The following NRXN3 variants were observed in gnomAD, a reference collection of about 807,000 sequenced individuals.
NRXN3 encodes the protein neurexin 3, also known as neurexin III.
In NRXN3, 32 loss-of-function variants were observed where a neutral mutation model predicts 137.6. The observed-to-expected ratio is 0.23, with a 90% CI of 0.18 to 0.31. The LOEUF is 0.31. Ranked by LOEUF, NRXN3 falls within the 10% of genes least tolerant of loss-of-function variation. The pLI is 1.00. For missense variants in NRXN3, 1,574 were observed against 2,062.5 expected, an observed-to-expected ratio of 0.76 and a Z score of 4.59; for synonymous variants, 798 against 784.5, an observed-to-expected ratio of 1.02 and a Z score of -0.29.
At chr14:78,456,042 G>A (rs944959567) in intron 4 of NRXN3, among the ~76,000 whole-genome samples, 6 of 152,092 alleles carry the variant, frequency 3.9e-5, no homozygotes, top group Non-Finnish European at 7.4e-5. Context: ...CACACAGCAC[G>A]CCTCAGGGCC....
chr14:79,219,356 C>G (rs2069119212), intron 15 of NRXN3, among the ~76,000 whole-genome samples: 2 of 152,098 alleles, frequency 1.3e-5, no homozygotes, highest in South Asian at 4.1e-4. Flanking sequence ...GTCTCAACTC[C>G]TGGCCTCAAG....
chr14:79,601,125 C>A (rs532603777), intron 16 of NRXN3, among the ~76,000 whole-genome samples: 3 of 143,438 alleles, frequency 2.1e-5, no homozygotes, highest in African/African-American at 5.2e-5. Context: ...CTCACTGCAA[C>A]CTCCGACTCC....
chr14:79,380,145 T>A (rs866464798), intron 15 of NRXN3, among the ~76,000 whole-genome samples: 1,042 of 64,124 alleles, frequency 0.016, 14 homozygotes, highest in African/African-American at 0.047. Flanking sequence ...TAGATATACT[T>A]CTTCTTTTTT....
At chr14:79,638,303 A>G (rs2098416081) in intron 16 of NRXN3, among the ~76,000 whole-genome samples, 1 of 152,156 alleles carries the variant, frequency 6.6e-6, no homozygotes. Context: ...TAAAATTTGA[A>G]CTAGGATTTA....
chr14:78,263,996 A>G lies in NRXN3; in HGVS notation c.710-14649A>G, dbSNP rs147447226. Among the ~76,000 whole-genome samples, 88 of 151,118 alleles carry G rather than the reference A, an allele frequency of 5.8e-4. No homozygotes were observed. In the East Asian group the frequency reaches 0.013, roughly 23 times the overall value. On this transcript the variant is annotated intron_variant, in intron 2 of 20. Coordinates refer to ENST00000335750, the MANE Select transcript of NRXN3 (RefSeq NM_001330195.2). ...TGAAAAACCAAATCTTCTTCCTACA[A>G]CTAACGTCAGTCCCTTTCCTAATAG... is the stretch of plus-strand genomic sequence containing the variant.
chr14:78,673,430 C>T (rs2097958545), intron 6 of NRXN3, among the ~76,000 whole-genome samples: 1 of 152,210 alleles, frequency 6.6e-6, no homozygotes, highest in African/African-American at 2.4e-5. Context: ...CATGAGGTGG[C>T]ACTGGCACTT....
intron 1 of NRXN3, among the ~76,000 whole-genome samples, chr14:78,206,775 C>G (rs1261981695): frequency 6.6e-6 from 1 of 152,132 alleles, no homozygotes; most frequent in Non-Finnish European, 1.5e-5. Flanking sequence ...AACTGTGGCT[C>G]AAAGTGGGTG....
At chr14:79,228,043 G>A (rs1341214334) in intron 15 of NRXN3, among the ~76,000 whole-genome samples, 2 of 152,146 alleles carry the variant, frequency 1.3e-5, no homozygotes, top group South Asian at 2.1e-4. Context: ...AGAAGAAACT[G>A]CATGTTATAG....
rs1049680896 is a variant in NRXN3, at chr14:79,645,640, G to A, written c.3445-18138G>A. ...AAAAAAAAAAAAAAAAGTTTTTTTC[G>A]TGTCGGTATTAATGCCTGGTATAAT... is the stretch of plus-strand genomic sequence containing the variant. On this transcript the variant is annotated intron_variant, in intron 16 of 20. Transcript: ENST00000335750. Among the ~76,000 whole-genome samples the A allele has an allele frequency of 1.4e-4, 18 of 132,086 alleles. 6 individuals carry two copies. Among genetic ancestry groups the A allele is most frequent in the Non-Finnish European group, 2.5e-4 (14 of 57,014 alleles). The allele number at this position is 132,086 out of a possible 152,430, so 86.7% of individuals were successfully genotyped here.
chr14:78,724,515 C>T (rs984071412), intron 8 of NRXN3, among the ~76,000 whole-genome samples: 15 of 151,462 alleles, frequency 9.9e-5, no homozygotes, highest in Non-Finnish European at 8.8e-5. Context: ...GAAACTGAGG[C>T]CTCCAGGTGG....
chr14:78,494,634 A>G (rs979478646), intron 4 of NRXN3, among the ~76,000 whole-genome samples: 1 of 152,144 alleles, frequency 6.6e-6, no homozygotes, highest in African/African-American at 2.4e-5. Flanking sequence ...TACTTAGGAT[A>G]CATCCCTCTG....
intron 16 of NRXN3, among the ~76,000 whole-genome samples, chr14:79,549,462 A>G (rs976693942): frequency 6.6e-6 from 1 of 152,140 alleles, no homozygotes; most frequent in African/African-American, 2.4e-5. Flanking sequence ...AAAGTATTCC[A>G]CAAATACTCC....
In NRXN3 at chr14:78,225,976, TG is replaced by T. The variant is rs1567013109; in HGVS notation, c.-703-16414del. Among the ~76,000 whole-genome samples the T allele has an allele frequency of 4.0e-3, 424 of 106,706 alleles. 2 individuals carry two copies. Among genetic ancestry groups the T allele is most frequent in the African/African-American group, 0.012 (324 of 27,712 alleles). The allele number at this position is 106,706 out of a possible 152,430, so 70.0% of individuals were successfully genotyped here. On this transcript the variant is annotated intron_variant, in intron 1 of 20. Transcript: ENST00000335750. Reference sequence around the variant, plus strand: ...TGGTGTGTGTGTGTGTGTGTGTTGGTGTGTGTGTGTGTGTGTGTGTGTGTGT... The same window carrying T: ...TGGTGTGTGTGTGTGTGTGTGTTGGTTGTGTGTGTGTGTGTGTGTGTGTGT...
At chr14:78,546,089 T>C (rs1437314894) in intron 4 of NRXN3, among the ~76,000 whole-genome samples, 1 of 152,204 alleles carries the variant, frequency 6.6e-6, no homozygotes, top group Non-Finnish European at 1.5e-5. Context: ...AGTCCAGGAA[T>C]GGGGTTGATA....
intron 4 of NRXN3, among the ~76,000 whole-genome samples, chr14:78,503,189 T>C (rs1425372942): frequency 6.6e-6 from 1 of 152,200 alleles, no homozygotes; most frequent in Admixed American, 6.5e-5. Flanking sequence ...GCATAATACC[T>C]AAGGGCAAAA....
intron 4 of NRXN3, among the ~76,000 whole-genome samples, chr14:78,547,307 G>A (rs1459253249): frequency 6.6e-6 from 1 of 151,696 alleles, no homozygotes; most frequent in African/African-American, 2.4e-5. Context: ...CTGGGTTCAT[G>A]CCATTCTCCT....
At chr14:79,082,893 A>C (rs6574486) in intron 15 of NRXN3, among the ~76,000 whole-genome samples, 1 of 152,280 alleles carries the variant, frequency 6.6e-6, no homozygotes, top group African/African-American at 2.4e-5. Context: ...ATACACATTG[A>C]CATCATCTCT....
chr14:78,727,722 C>T (rs973160595), intron 8 of NRXN3, among the ~76,000 whole-genome samples: 13 of 151,988 alleles, frequency 8.6e-5, no homozygotes, highest in South Asian at 4.2e-4. Flanking sequence ...GCAACAAGAG[C>T]GAAAACTCCG....
intron 10 of NRXN3, among the ~76,000 whole-genome samples, chr14:78,842,050 G>A (rs1211153254): frequency 2.0e-5 from 3 of 152,028 alleles, no homozygotes; most frequent in African/African-American, 7.2e-5. Context: ...TTTGCCTTGG[G>A]AATCAAATAT....
Sources: gnomAD v4.1 joint callset for allele counts (sites outside exome capture counted in the v4.1 genomes callset) on GRCh38, gnomAD v4.1.1 for gene constraint, MANE v1.5 for transcripts, NCBI Gene and HGNC (gene_info 2026-07-23, HGNC 2026-07-21) for gene names.